WASF2: variants seen among roughly 807,000 people sequenced by gnomAD.
WASF2 encodes WASP family member 2.
Under a neutral mutation model 45.0 loss-of-function variants are expected in WASF2, and 14 were observed. That is an observed-to-expected ratio of 0.31 (90% CI 0.21 to 0.49). WASF2 has a LOEUF of 0.49. WASF2 is among the 20% of genes least tolerant of loss of function. The pLI is 0.99. For missense variants in WASF2, 439 were observed against 636.1 expected (o/e 0.69, Z 3.33); for synonymous variants, 200 against 236.3 (o/e 0.85, Z 1.41).
chr1:27,442,599 C>CT (rs1275913046), intron 1 of WASF2, among the ~76,000 whole-genome samples: 3 of 151,690 alleles, frequency 2.0e-5, no homozygotes, highest in Admixed American at 6.6e-5. Context: ...TGCCTCATGC[C>CT]TATAATCACA....
Position 27,410,526 on chromosome 1 carries a change from A to C in WASF2, c.825-320T>G, listed in dbSNP as rs899733328. 6.6e-6 allele frequency among the ~76,000 whole-genome samples: 1 copy of C among 152,148 alleles called. No homozygotes were observed. The highest frequency in any genetic ancestry group is 1.5e-5 in the Non-Finnish European group (1 of 68,026). On this transcript the variant is annotated intron_variant, in intron 7 of 8. Transcript: ENST00000618852. The surrounding 1 kb of genome is among the most constrained non-coding windows in gnomAD (Gnocchi z 4.2). ...GGCCCCCTCTGCCTTTCCAGCTCTA[A>C]GGGGAAGGCACCCTCCCTCCCCTTC...
chr1:27,408,134 CAAA>C lies in WASF2; in HGVS notation c.*52_*54del. 6.3e-7 allele frequency: 1 copy of C among 1,585,176 alleles called. No individual in the cohort carries two copies. The highest frequency in any genetic ancestry group is 2.3e-5 in the East Asian group (1 of 44,360). On this transcript the variant is annotated 3_prime_UTR_variant, in exon 9 of 9. Transcript: ENST00000618852. Reference sequence around the variant, plus strand: ...CCTACGGGTCTGTTGGGGTTGGCATCAAAGAAGGCAGGTAGGAAGGAAAGAAAA... The same window carrying C: ...CCTACGGGTCTGTTGGGGTTGGCATCGAAGGCAGGTAGGAAGGAAAGAAAA...
chr1:27,425,002 CAAGAGCACTGTATGGACATATGA>C (rs1312823684), intron 2 of WASF2, among the ~76,000 whole-genome samples: 2 of 152,214 alleles, frequency 1.3e-5, no homozygotes, highest in Non-Finnish European at 2.9e-5. Context: ...GTGGGGATAG[CAAGAGCACTGTATGGACATATGA>C]GAGAGCATGG....
At chr1:27,480,642 G>A (rs1359939318) in intron 1 of WASF2, among the ~76,000 whole-genome samples, 1 of 152,188 alleles carries the variant, frequency 6.6e-6, no homozygotes, top group African/African-American at 2.4e-5. Context: ...ATACTTGAGA[G>A]TAAATGAACT....
In WASF2 at chr1:27,451,499, T is replaced by C. The variant is rs139739047; in HGVS notation, c.-43-22566A>G. Among the ~76,000 whole-genome samples, 264 of 152,322 alleles carry C rather than the reference T, an allele frequency of 1.7e-3. 2 individuals carry two copies. The highest frequency in any genetic ancestry group is 0.015 in the South Asian group (73 of 4,822). On this transcript the variant is annotated intron_variant, in intron 1 of 8. Transcript: ENST00000618852. ...AAGCTGAGGCACAGAGAGCCTTGTA[T>C]GCCGGGCTACAGCACTTAACAGAGT...
At chr1:27,447,927 C>A (rs887291494) in intron 1 of WASF2, among the ~76,000 whole-genome samples, 1 of 152,128 alleles carries the variant, frequency 6.6e-6, no homozygotes, top group African/African-American at 2.4e-5. Flanking sequence ...TTGCCATGTT[C>A]CATGCTTTAA....
Position 27,408,252 on chromosome 1 carries a change from A to G in WASF2, c.1434T>C (p.Ala478=). The G allele has an allele frequency of 1.2e-6, 2 of 1,614,234 alleles. No homozygotes were observed. Among genetic ancestry groups the G allele is most frequent in the Non-Finnish European group, 1.7e-6 (2 of 1,180,044 alleles). The part of the protein sequence containing the change: ...DVATILSRRI[A]VEYSDSEDDS... ...CATCTTCTGAGTCACTGTACTCAAC[A>G]GCAATGCGACGAGACAAGATGGTGG... The change falls in exon 9 of 9, where the codon GCT becomes GCC. Residue 478 remains alanine (A), a synonymous_variant. Coordinates refer to ENST00000618852, the MANE Select transcript of WASF2 (RefSeq NM_006990.5).
In WASF2 at chr1:27,454,162, T is replaced by C. The variant is rs1165482444; in HGVS notation, c.-43-25229A>G. On this transcript the variant is annotated intron_variant, in intron 1 of 8. Coordinates refer to ENST00000618852, the MANE Select transcript of WASF2 (RefSeq NM_006990.5). ...GTGTGTGTGTGTGTGTGTATATATA[T>C]ATATATATATATATATATATATATA... Among the ~76,000 whole-genome samples the C allele has an allele frequency of 2.3e-5, 2 of 86,364 alleles. 1 individual carries two copies. Among genetic ancestry groups the C allele is most frequent in the South Asian group, 8.7e-4 (2 of 2,312 alleles). The allele number at this position is 86,364 out of a possible 152,430, so 56.7% of individuals were successfully genotyped here.
At chr1:27,421,484 C>T (rs1490101217) in intron 2 of WASF2, among the ~76,000 whole-genome samples, 3 of 151,942 alleles carry the variant, frequency 2.0e-5, no homozygotes, top group Admixed American at 1.3e-4. Context: ...TTGAGACCAG[C>T]ATGGGCAATA....
chr1:27,414,767 A>C lies in WASF2; in HGVS notation c.668+66T>G. 1 of 1,584,110 alleles carries C rather than the reference A, an allele frequency of 6.3e-7. No individual in the cohort carries two copies. Among genetic ancestry groups the C allele is most frequent in the Non-Finnish European group, 8.6e-7 (1 of 1,163,530 alleles). The stretch of plus-strand genomic sequence containing the variant: ...GGGGGTGTGAAAGGTGTCACACCAG[A>C]GCTGTCAGACTGTTGTCCCCAGCCC... On this transcript the variant is annotated intron_variant, in intron 6 of 8. Coordinates refer to ENST00000618852, the MANE Select transcript of WASF2 (RefSeq NM_006990.5). The surrounding 1 kb of genome is among the most constrained non-coding windows in gnomAD (Gnocchi z 4.1).
At chr1:27,479,113 C>A (rs896820822) in intron 1 of WASF2, among the ~76,000 whole-genome samples, 1 of 151,718 alleles carries the variant, frequency 6.6e-6, no homozygotes, top group East Asian at 1.9e-4. Context: ...GGTGAAACCC[C>A]GTCTCTACTA....
chr1:27,408,134 C>A lies in WASF2; in HGVS notation c.*55G>T. The A allele has an allele frequency of 1.3e-6, 2 of 1,585,176 alleles. No individual in the cohort carries two copies. Among genetic ancestry groups the A allele is most frequent in the Non-Finnish European group, 1.7e-6 (2 of 1,162,070 alleles). ...CCTACGGGTCTGTTGGGGTTGGCAT[C>A]AAAGAAGGCAGGTAGGAAGGAAAGA... On this transcript the variant is annotated 3_prime_UTR_variant, in exon 9 of 9. Coordinates refer to ENST00000618852, the MANE Select transcript of WASF2 (RefSeq NM_006990.5).
rs1462090575 is a variant in WASF2 at position 27,410,646 on chromosome 1, AC to A, written c.825-441del. Among the ~76,000 whole-genome samples the A allele has an allele frequency of 1.1e-4, 16 of 151,980 alleles. No homozygotes were observed. The highest frequency in any genetic ancestry group is 1.0e-3 in the Admixed American group (16 of 15,256). On this transcript the variant is annotated intron_variant, in intron 7 of 8. Coordinates refer to ENST00000618852, the MANE Select transcript of WASF2 (RefSeq NM_006990.5). This position sits in a 1 kb window ranked among gnomAD's most constrained non-coding sequence, Gnocchi z 4.2. ...GAACTGGAATAAAAATTCAAACACC[AC>A]CCACACACTAGGCTCTGTTTCTCAG... is the stretch of plus-strand genomic sequence containing the variant.
rs1299588420 is a variant in WASF2, at chr1:27,437,600, TACAG to T, written c.-43-8671_-43-8668del. ...AATGTGGTCACTGATGACTTTCAGT[TACAG>T]ACAAAGTTCATTTTACTTTCCCAAT... is the stretch of plus-strand genomic sequence containing the variant. On this transcript the variant is annotated intron_variant, in intron 1 of 8. Transcript: ENST00000618852. Among the ~76,000 whole-genome samples, 7 of 152,328 alleles carry T rather than the reference TACAG, an allele frequency of 4.6e-5. No individual in the cohort carries two copies. In the South Asian group the frequency reaches 8.3e-4, roughly 18 times the overall value.
chr1:27,429,894 A>G (rs2017038200), intron 1 of WASF2, among the ~76,000 whole-genome samples: 1 of 152,216 alleles, frequency 6.6e-6, no homozygotes, highest in Non-Finnish European at 1.5e-5. Context: ...TATGTCAAAC[A>G]TGATGCTGAG....
Position 27,406,037 on chromosome 1 carries a change from G to T in WASF2, c.*2152C>A, listed in dbSNP as rs1389548050. On this transcript the variant is annotated 3_prime_UTR_variant, in exon 9 of 9. Transcript: ENST00000618852. ...TAGCTCTCCCTTTTCCGGGCAAGGAGGATGGGGGTAATTTAGTCAAAGCCA... is the reference window on the plus strand; with the variant it reads ...TAGCTCTCCCTTTTCCGGGCAAGGATGATGGGGGTAATTTAGTCAAAGCCA... 2 of 152,690 alleles carry T rather than the reference G, an allele frequency of 1.3e-5. No homozygotes were observed. Among genetic ancestry groups the T allele is most frequent in the African/African-American group, 4.8e-5 (2 of 41,416 alleles). The allele number at this position is 152,690 out of a possible 1,614,324, so 9.5% of individuals were successfully genotyped here. A position where few individuals can be genotyped will look rare whatever the true frequency, so the allele number is the denominator to read the frequency against.
In WASF2 at chr1:27,484,040, C is replaced by T. The variant is rs12757003; in HGVS notation, c.-44+5946G>A. Among the ~76,000 whole-genome samples, 592 of 152,236 alleles carry T rather than the reference C, an allele frequency of 3.9e-3. 4 individuals are homozygous for T. Among genetic ancestry groups the T allele is most frequent in the Middle Eastern group, 6.8e-3 (2 of 294 alleles). On this transcript the variant is annotated intron_variant, in intron 1 of 8. Transcript: ENST00000618852. The stretch of plus-strand genomic sequence containing the variant: ...TGCAACTCTTGATACAGTTTCTTAT[C>T]CTTTGTATCTCCAAAACAGTGAAGG...
At chr1:27,412,342 G>C (rs2016772258) in intron 7 of WASF2, among the ~76,000 whole-genome samples, 1 of 152,110 alleles carries the variant, frequency 6.6e-6, no homozygotes, top group African/African-American at 2.4e-5. Flanking sequence ...GAGTAGATGG[G>C]ACCACAGGCG....
intron 1 of WASF2, among the ~76,000 whole-genome samples, chr1:27,478,082 G>C (rs561105908): frequency 1.1e-4 from 17 of 149,842 alleles, no homozygotes; most frequent in Admixed American, 3.3e-4. Flanking sequence ...TGAAACCCCC[G>C]TCTCTACTAA....
Sources: gnomAD v4.1 joint callset for allele counts (sites outside exome capture counted in the v4.1 genomes callset) on GRCh38, gnomAD v4.1.1 for gene constraint, Gnocchi (gnomAD v3.1) non-coding constraint, MANE v1.5 for transcripts, NCBI Gene and HGNC (gene_info 2026-07-23, HGNC 2026-07-21) for gene names.